The following ATRNL1 variants were observed in gnomAD, a reference collection of about 807,000 sequenced individuals.
ATRNL1 encodes the protein attractin-like protein 1.
In ATRNL1, 95 loss-of-function variants were observed where a neutral mutation model predicts 182.7. That is an observed-to-expected ratio of 0.52 (90% confidence interval 0.44 to 0.62). ATRNL1 has a LOEUF of 0.62. Ranked by LOEUF, ATRNL1 falls within the 20% of genes least tolerant of loss-of-function variation. The probability of loss-of-function intolerance (pLI) is 0.00; values close to 1 mark genes in which losing one functional copy is unlikely to be tolerated. For missense variants in ATRNL1, 1,471 were observed against 1,679.5 expected (o/e 0.88, Z 2.17); for synonymous variants, 576 against 568.3 (o/e 1.01, Z -0.19).
At chr10:115,324,532 G>A (rs904798184) in intron 18 of ATRNL1, among the ~76,000 whole-genome samples, 6 of 152,100 alleles carry the variant, frequency 3.9e-5, no homozygotes, top group Admixed American at 3.9e-4. Flanking sequence ...GAGCAGGTTT[G>A]TATTAATATT....
At chr10:115,272,363 G>A (rs1851904408) in intron 13 of ATRNL1, among the ~76,000 whole-genome samples, 1 of 152,120 alleles carries the variant, frequency 6.6e-6, no homozygotes, top group African/African-American at 2.4e-5. Flanking sequence ...TGTACTAGAA[G>A]CAGTCACCCC....
At chr10:115,885,769 CTT>C (rs1170413933) in intron 28 of ATRNL1, among the ~76,000 whole-genome samples, 3 of 152,094 alleles carry the variant, frequency 2.0e-5, no homozygotes, top group African/African-American at 7.2e-5. Context: ...GTATTATTGT[CTT>C]TTATCATATT....
rs991611665 is a variant in ATRNL1, at chr10:115,334,185, T to C, written c.3038-97T>C. 14 of 826,998 alleles carry C rather than the reference T, an allele frequency of 1.7e-5. No homozygotes were observed. In the East Asian group the frequency reaches 3.2e-4, roughly 19 times the overall value. 51.2% of individuals were successfully genotyped at this position (826,998 alleles called of 1,614,324 possible). On this transcript the variant is annotated intron_variant, in intron 18 of 28. Coordinates refer to ENST00000355044, the MANE Select transcript of ATRNL1 (RefSeq NM_207303.4). ...CTTGGAAGATGCTCTTTGGGCACTT[T>C]TACAATCCAGCTTTTTAAGATACAT...
chr10:115,285,064 T>C (rs1852542304), intron 14 of ATRNL1, among the ~76,000 whole-genome samples: 2 of 152,132 alleles, frequency 1.3e-5, no homozygotes, highest in South Asian at 4.1e-4. Context: ...AATTGTCAGC[T>C]ACTTTCCCTC....
chr10:115,814,868 G>A (rs142197935), intron 27 of ATRNL1, among the ~76,000 whole-genome samples: 52 of 152,258 alleles, frequency 3.4e-4, no homozygotes, highest in African/African-American at 1.2e-3. Context: ...CTGGGCCCCA[G>A]TGGCTTAATC....
chr10:115,102,634 A>G lies in ATRNL1; in HGVS notation c.293+8591A>G, dbSNP rs868977464. Among the ~76,000 whole-genome samples, 21 of 151,922 alleles carry G rather than the reference A, an allele frequency of 1.4e-4. No homozygotes were observed. The Middle Eastern group carries it at 0.017, about 123-fold the overall frequency. On this transcript the variant is annotated intron_variant, in intron 1 of 28. Coordinates refer to ENST00000355044, the MANE Select transcript of ATRNL1 (RefSeq NM_207303.4). ...AATTTTTGTATTTTTGGTAGAGATG[A>G]GGTTTTGCCATGTTGGCCAGGCTGG...
At chr10:115,759,200 T>C (rs1167906291) in intron 27 of ATRNL1, among the ~76,000 whole-genome samples, 1 of 152,224 alleles carries the variant, frequency 6.6e-6, no homozygotes, top group African/African-American at 2.4e-5. Context: ...ATTGGCATTT[T>C]TAAATAAATT....
At chr10:115,416,996 C>T (rs1396672746) in intron 20 of ATRNL1, among the ~76,000 whole-genome samples, 1 of 152,218 alleles carries the variant, frequency 6.6e-6, no homozygotes, top group African/African-American at 2.4e-5. Context: ...ACAAAAGTCA[C>T]TGGCAGGAGC....
At chr10:115,442,821 C>T (rs972185865) in intron 21 of ATRNL1, among the ~76,000 whole-genome samples, 10 of 151,872 alleles carry the variant, frequency 6.6e-5, no homozygotes, top group African/African-American at 2.4e-4. Flanking sequence ...GCCTTTGATT[C>T]CTCACTTCTA....
intron 19 of ATRNL1, among the ~76,000 whole-genome samples, chr10:115,346,129 A>G (rs2134108387): frequency 6.6e-6 from 1 of 152,344 alleles, no homozygotes; most frequent in East Asian, 1.9e-4. Flanking sequence ...TACCATTTTA[A>G]ACATTTTTAA....
rs553136432 is a variant in ATRNL1, at chr10:115,641,178, C to T, written c.3796-86070C>T. Reference sequence around the variant, plus strand: ...ACAATCATATCTATTGAAGAAACAGCAAAACAATAATATAATTCATTATTG... The same window carrying T: ...ACAATCATATCTATTGAAGAAACAGTAAAACAATAATATAATTCATTATTG... On this transcript the variant is annotated intron_variant, in intron 26 of 28. Coordinates refer to ENST00000355044, the MANE Select transcript of ATRNL1 (RefSeq NM_207303.4). Among the ~76,000 whole-genome samples, 8 of 152,188 alleles carry T rather than the reference C, an allele frequency of 5.3e-5. No homozygotes were observed. The South Asian group carries it at 1.2e-3, about 24-fold the overall frequency.
At chr10:115,700,124 T>C (rs1355999722) in intron 26 of ATRNL1, among the ~76,000 whole-genome samples, 1 of 152,202 alleles carries the variant, frequency 6.6e-6, no homozygotes, top group Non-Finnish European at 1.5e-5. Context: ...GTCTTTACCA[T>C]TGTGAATTGT....
At chr10:115,597,508 A>T in intron 26 of ATRNL1, 1 of 357,350 alleles carries the variant, frequency 2.8e-6, no homozygotes, top group East Asian at 8.5e-5. Context: ...ATGAAATTTC[A>T]ATTACAAAAT....
chr10:115,804,820 A>G (rs1373068565), intron 27 of ATRNL1, among the ~76,000 whole-genome samples: 6 of 152,166 alleles, frequency 3.9e-5, no homozygotes, highest in Non-Finnish European at 5.9e-5. Context: ...GTTAATTGGA[A>G]CTATTATTTC....
chr10:115,560,529 A>C (rs577847852), intron 26 of ATRNL1, among the ~76,000 whole-genome samples: 1 of 152,120 alleles, frequency 6.6e-6, no homozygotes, highest in Non-Finnish European at 1.5e-5. Flanking sequence ...GACCTAAATA[A>C]ATGGAAAGAT....
chr10:115,227,617 G>T lies in ATRNL1; in HGVS notation c.1532+11737G>T, dbSNP rs149144128. 4.8e-3 allele frequency among the ~76,000 whole-genome samples: 727 copies of T among 152,204 alleles called. 5 individuals carry two copies. The highest frequency in any genetic ancestry group is 0.016 in the African/African-American group (685 of 41,542). The stretch of plus-strand genomic sequence containing the variant: ...TTCTACCAAAGAGACATAGGCACTT[G>T]TTTGTTCATTGCTGTGCTATTCACA... On this transcript the variant is annotated intron_variant, in intron 9 of 28. Transcript: ENST00000355044.
intron 5 of ATRNL1, among the ~76,000 whole-genome samples, chr10:115,130,657 T>C (rs1554874937): frequency 1.3e-5 from 2 of 152,136 alleles, no homozygotes; most frequent in South Asian, 4.1e-4. Flanking sequence ...GTATTTTAAG[T>C]GACTCTTTTA....
At chr10:115,687,864 G>T (rs7900516) in intron 26 of ATRNL1, among the ~76,000 whole-genome samples, 56,548 of 151,440 alleles carry the variant, frequency 0.37, 11,379 homozygotes, top group East Asian at 0.58. Flanking sequence ...ATATTATTGA[G>T]AAGTATAGTC....
At chr10:115,691,094 C>G (rs1319977642) in intron 26 of ATRNL1, among the ~76,000 whole-genome samples, 1 of 152,116 alleles carries the variant, frequency 6.6e-6, no homozygotes, top group Non-Finnish European at 1.5e-5. Flanking sequence ...GTATGATTAT[C>G]TATTCATAAT....
Sources: allele counts gnomAD v4.1 joint callset (sites outside exome capture counted in the v4.1 genomes callset), GRCh38; gene constraint gnomAD v4.1.1; transcripts MANE v1.5; gene names NCBI Gene and HGNC (gene_info 2026-07-23, HGNC 2026-07-21).